The following VTI1B variants were observed in gnomAD, a reference collection of about 807,000 sequenced individuals.
VTI1B encodes vesicle transport through interaction with t-SNAREs homolog 1B.
In VTI1B, 18 loss-of-function variants were observed where a neutral mutation model predicts 28.6. That is an observed-to-expected ratio of 0.63 (90% CI 0.43 to 0.93). The LOEUF is 0.93. VTI1B is among the 40% of genes least tolerant of loss of function. The pLI is 0.00. For synonymous variants in VTI1B, 100 were observed against 107.9 expected, an observed-to-expected ratio of 0.93 and a Z score of 0.46; for missense variants, 283 against 297.0, an observed-to-expected ratio of 0.95 and a Z score of 0.35.
intron 1 of VTI1B, among the ~76,000 whole-genome samples, chr14:67,663,448 C>A (rs1594839103): frequency 6.6e-6 from 1 of 151,928 alleles, no homozygotes; most frequent in Non-Finnish European, 1.5e-5. Flanking sequence ...CCGAGGCGGG[C>A]GGATCATGAG....
chr14:67,662,582 A>G (rs372299362), intron 1 of VTI1B, 47 bp from the exon 2 acceptor site: 1 of 1,529,284 alleles, frequency 6.5e-7, no homozygotes, highest in African/African-American at 1.4e-5. Context: ...GTTTCCACAC[A>G]TTTGTAAAGG....
In VTI1B at chr14:67,649,091, T is replaced by C. The variant is rs553893164; in HGVS notation, c.*2294A>G. 1 of 152,346 alleles carries C rather than the reference T, an allele frequency of 6.6e-6. No homozygotes were observed. The highest frequency in any genetic ancestry group is 2.4e-5 in the African/African-American group (1 of 41,582). The allele number at this position is 152,346 out of a possible 1,614,324, so 9.4% of individuals were successfully genotyped here. ...ATGTTGCCAGTGGTCCTTAGGTTATTGGCCAGAGAACTTGGGGGTTCAATT... is the reference window on the plus strand; with the variant it reads ...ATGTTGCCAGTGGTCCTTAGGTTATCGGCCAGAGAACTTGGGGGTTCAATT... On this transcript the variant is annotated 3_prime_UTR_variant, in exon 6 of 6. Coordinates refer to ENST00000554659, the MANE Select transcript of VTI1B (RefSeq NM_006370.3).
Position 67,659,866 on chromosome 14 carries a change from C to A in VTI1B, c.231G>T (p.Met77Ile), listed in dbSNP as rs1327274732. Reference protein sequence around the residue: ...RYAPLSFRNPMMSKLRNYRKD... With the variant: ...RYAPLSFRNPIMSKLRNYRKD... ...TCCGGTAGTTTCGAAGCTTAGACAT[C>A]ATGGGGTTTCGGAAAGACAGGGGTG... is the stretch of plus-strand genomic sequence containing the variant. Residue 77 changes from methionine to isoleucine, a missense_variant, in exon 3 of 6, where the codon ATG (methionine) becomes ATT (isoleucine). Coordinates refer to ENST00000554659, the MANE Select transcript of VTI1B (RefSeq NM_006370.3). The A allele has an allele frequency of 6.2e-7, 1 of 1,614,058 alleles. No individual in the cohort carries two copies. Among genetic ancestry groups the A allele is most frequent in the East Asian group, 2.2e-5 (1 of 44,902 alleles).
intron 3 of VTI1B, among the ~76,000 whole-genome samples, chr14:67,657,768 T>G (rs111727785): frequency 0.18 from 2,011 of 11,460 alleles, 55 homozygotes; most frequent in African/African-American, 0.19. Context: ...TTTTTTTTTT[T>G]GAGACAGTCT....
Position 67,648,103 on chromosome 14 carries a change from C to T in VTI1B, c.*3282G>A, listed in dbSNP as rs911182489. 1 of 1,613,928 alleles carries T rather than the reference C, an allele frequency of 6.2e-7. No individual in the cohort carries two copies. The highest frequency in any genetic ancestry group is 2.2e-5 in the East Asian group (1 of 44,874). ...ATTGATGCATTTGACCCTACACTGG[C>T]TCCAGCCACAGGAACTCCTGTTGTC... is the stretch of plus-strand genomic sequence containing the variant. On this transcript the variant is annotated 3_prime_UTR_variant, in exon 6 of 6. Transcript: ENST00000554659.
intron 5 of VTI1B, 55 bp downstream of exon 5, chr14:67,653,382 T>C (rs2037212840): frequency 1.3e-6 from 2 of 1,531,316 alleles, no homozygotes; most frequent in African/African-American, 2.7e-5. Flanking sequence ...ATTTTAAGCT[T>C]TTTGGTTGAA....
At chr14:67,668,606 T>C (rs1191263474) in intron 1 of VTI1B, among the ~76,000 whole-genome samples, 1 of 146,738 alleles carries the variant, frequency 6.8e-6, no homozygotes, top group Non-Finnish European at 1.5e-5. Context: ...CCAATAGGTA[T>C]CTATGAAGCA....
chr14:67,647,634 C>T lies in VTI1B; in HGVS notation c.*3751G>A, dbSNP rs1233590509. ...TGCTGTTACGTTCAGAGAATAAGAG[C>T]AACCATAACTTACATCAAGCCAATT... On this transcript the variant is annotated 3_prime_UTR_variant, in exon 6 of 6. Coordinates refer to ENST00000554659, the MANE Select transcript of VTI1B (RefSeq NM_006370.3). 1 of 158,052 alleles carries T rather than the reference C, an allele frequency of 6.3e-6. No individual in the cohort carries two copies. Among genetic ancestry groups the T allele is most frequent in the African/African-American group, 2.4e-5 (1 of 41,560 alleles). The allele number at this position is 158,052 out of a possible 1,614,324, so 9.8% of individuals were successfully genotyped here. A position where few individuals can be genotyped will look rare whatever the true frequency, so the allele number is the denominator to read the frequency against.
intron 5 of VTI1B, chr14:67,652,714 C>G (rs1285015603): frequency 2.0e-5 from 3 of 152,190 alleles, no homozygotes; most frequent in Admixed American, 1.3e-4. Flanking sequence ...AGAAAAGGAG[C>G]TGACTCCCAT....
At chr14:67,662,781 G>A (rs1273749169) in intron 1 of VTI1B, among the ~76,000 whole-genome samples, 3 of 151,548 alleles carry the variant, frequency 2.0e-5, no homozygotes, top group African/African-American at 7.3e-5. Flanking sequence ...GCAGGCACCT[G>A]TAATCTCAGC....
At chr14:67,654,193 A>C (rs1218016663) in intron 4 of VTI1B, among the ~76,000 whole-genome samples, 1 of 151,906 alleles carries the variant, frequency 6.6e-6, no homozygotes, top group Non-Finnish European at 1.5e-5. Flanking sequence ...TGCAGCCTCG[A>C]CCTCCCAGGC....
At chr14:67,661,494 T>C (rs988866308) in intron 2 of VTI1B, among the ~76,000 whole-genome samples, 24 of 151,460 alleles carry the variant, frequency 1.6e-4, no homozygotes, top group Non-Finnish European at 3.1e-4. Flanking sequence ...TAAACTACAT[T>C]TTCTGTGACA....
intron 3 of VTI1B, among the ~76,000 whole-genome samples, chr14:67,657,646 TCA>T (rs1334442356): frequency 6.6e-6 from 1 of 150,426 alleles, no homozygotes; most frequent in African/African-American, 2.4e-5. Context: ...GGGACCCAGC[TCA>T]CAGAGGCCTA....
intron 3 of VTI1B, among the ~76,000 whole-genome samples, chr14:67,658,799 G>T (rs11623700): frequency 0.12 from 18,936 of 152,092 alleles, 1,216 homozygotes; most frequent in Admixed American, 0.15. Context: ...GCATCCATTT[G>T]AAAATTTTAA....
intron 1 of VTI1B, among the ~76,000 whole-genome samples, chr14:67,672,285 A>AT (rs1022159091): frequency 2.0e-5 from 3 of 151,062 alleles, no homozygotes; most frequent in East Asian, 1.9e-4. Flanking sequence ...TGCCTGGCTA[A>AT]TTTTTTTATT....
chr14:67,659,489 G>C (rs915772013), intron 3 of VTI1B, among the ~76,000 whole-genome samples: 1 of 151,052 alleles, frequency 6.6e-6, no homozygotes, highest in Admixed American at 6.6e-5. Context: ...TTTATTATAA[G>C]ACTGTATTAT....
rs961505481 is a variant in VTI1B at position 67,663,421 on chromosome 14, C to A, written c.116-886G>T. Among the ~76,000 whole-genome samples, 4 of 152,014 alleles carry A rather than the reference C, an allele frequency of 2.6e-5. No homozygotes were observed. The South Asian group carries it at 8.3e-4, about 31-fold the overall frequency. On this transcript the variant is annotated intron_variant, in intron 1 of 5. Coordinates refer to ENST00000554659, the MANE Select transcript of VTI1B (RefSeq NM_006370.3). ...GGGCACGGTGACTCACGCCTGTAATCCCAGCAATTTGGGAGGCCGAGGCGG... is the reference window on the plus strand; with the variant it reads ...GGGCACGGTGACTCACGCCTGTAATACCAGCAATTTGGGAGGCCGAGGCGG...
At chr14:67,665,259 CTTTTT>C (rs574618223) in intron 1 of VTI1B, among the ~76,000 whole-genome samples, 1 of 126,534 alleles carries the variant, frequency 7.9e-6, no homozygotes, top group Admixed American at 8.3e-5. Flanking sequence ...TCAGTTATAT[CTTTTT>C]TTTTTTTTTT....
At chr14:67,656,179 G>C (rs1243598060) in intron 4 of VTI1B, among the ~76,000 whole-genome samples, 2 of 151,558 alleles carry the variant, frequency 1.3e-5, no homozygotes, top group Non-Finnish European at 2.9e-5. Context: ...CCAGGATGCG[G>C]AGGTTGCAGC....
Sources: allele counts gnomAD v4.1 joint callset (sites outside exome capture counted in the v4.1 genomes callset), GRCh38; gene constraint gnomAD v4.1.1; transcripts MANE v1.5; gene names NCBI Gene and HGNC (gene_info 2026-07-23, HGNC 2026-07-21).